The following GAD1 variants were observed in gnomAD, a reference collection of about 807,000 sequenced individuals.
GAD1 encodes the protein 67 kDa glutamic acid decarboxylase.
In GAD1, 35 loss-of-function variants were observed where a neutral mutation model predicts 75.2. The observed-to-expected ratio is 0.47, with a 90% CI of 0.36 to 0.62. GAD1 has a LOEUF of 0.62. GAD1 is among the 20% of genes least tolerant of loss of function. The probability of loss-of-function intolerance (pLI) is 0.00; values close to 1 mark genes in which losing one functional copy is unlikely to be tolerated. For missense variants in GAD1, 490 were observed against 758.5 expected, an observed-to-expected ratio of 0.65 and a Z score of 4.16; for synonymous variants, 257 against 271.9, an observed-to-expected ratio of 0.95 and a Z score of 0.54.
chr2:170,822,227 A>G (rs1384627933), intron 3 of GAD1, 78 bp downstream of exon 3: 1 of 1,189,554 alleles, frequency 8.4e-7, no homozygotes, highest in Non-Finnish European at 1.2e-6. Flanking sequence ...CTGGGACGCA[A>G]GCGGAGGGGG....
At chr2:170,816,506 A>G (rs1701701150), upstream of GAD1, 1 of 149,998 alleles carries the variant, frequency 6.7e-6, no homozygotes, top group African/African-American at 2.5e-5. Flanking sequence ...TGGGAGGGGG[A>G]GGGGAAATGG....
In GAD1 at chr2:170,853,780, C is replaced by A; in HGVS notation, c.1264-93C>A. 7.9e-7 allele frequency: 1 copy of A among 1,257,956 alleles called. No individual in the cohort carries two copies. Among genetic ancestry groups the A allele is most frequent in the Non-Finnish European group, 1.2e-6 (1 of 859,184 alleles). 77.9% of individuals were successfully genotyped at this position (1,257,956 alleles called of 1,614,324 possible). A position where few individuals can be genotyped will look rare whatever the true frequency, so the allele number is the denominator to read the frequency against. On this transcript the variant is annotated intron_variant, in intron 13 of 16. Transcript: ENST00000358196. This position sits in a 1 kb window ranked among gnomAD's most constrained non-coding sequence, Gnocchi z 4.1. The stretch of plus-strand genomic sequence containing the variant: ...ACATCAGAAGAAAGATTGCATATGA[C>A]CCCAAGCCCCTCCTTCCAAGCAGCC...
chr2:170,816,153 CCTT>C (rs1372578800), upstream of GAD1: 2 of 152,316 alleles, frequency 1.3e-5, no homozygotes, highest in Non-Finnish European at 2.9e-5. Flanking sequence ...AATCAGGAGG[CCTT>C]CTTTTCCCAT....
chr2:170,828,148 AC>A (rs1702076218), intron 3 of GAD1, among the ~76,000 whole-genome samples: 1 of 79,998 alleles, frequency 1.3e-5, no homozygotes, highest in African/African-American at 6.8e-5. Flanking sequence ...TGCTGTCCTC[AC>A]CCTCCTCCCT....
At chr2:170,846,823 T>C (rs557235519) in intron 10 of GAD1, among the ~76,000 whole-genome samples, 2 of 152,082 alleles carry the variant, frequency 1.3e-5, no homozygotes, top group African/African-American at 4.8e-5. Flanking sequence ...CTGGGCAACA[T>C]AGGGTAACCC....
intron 5 of GAD1, among the ~76,000 whole-genome samples, chr2:170,835,400 G>A (rs996804576): frequency 7.2e-5 from 11 of 151,946 alleles, no homozygotes; most frequent in South Asian, 2.1e-4. Context: ...GGCCATGAGC[G>A]GCCCAGCACC....
At chr2:170,819,283 A>G (rs1019896752) in intron 2 of GAD1, among the ~76,000 whole-genome samples, 1 of 119,426 alleles carries the variant, frequency 8.4e-6, no homozygotes, top group Non-Finnish European at 1.8e-5. Flanking sequence ...AATTAATTAC[A>G]TCTCAGAGAA....
In GAD1 at chr2:170,853,083, G is replaced by A; in HGVS notation, c.1263+291G>A. The stretch of plus-strand genomic sequence containing the variant: ...TCCTTCATGTTTGCACAAAAAAAGT[G>A]GGAGCAAGTAGGTGAGGCATCCAAT... On this transcript the variant is annotated intron_variant, in intron 13 of 16. Transcript: ENST00000358196. The surrounding 1 kb of genome is among the most constrained non-coding windows in gnomAD (Gnocchi z 4.1). 1 of 472,250 alleles carries A rather than the reference G, an allele frequency of 2.1e-6. No homozygotes were observed. Among genetic ancestry groups the A allele is most frequent in the Non-Finnish European group, 3.9e-6 (1 of 257,864 alleles). The allele number at this position is 472,250 out of a possible 1,614,324, so 29.3% of individuals were successfully genotyped here.
intron 14 of GAD1, among the ~76,000 whole-genome samples, chr2:170,855,762 A>G (rs531131968): frequency 4.3e-4 from 65 of 150,402 alleles, no homozygotes; most frequent in African/African-American, 1.5e-3. Flanking sequence ...GGTCCCAGCT[A>G]CTTAGGAGGC....
chr2:170,823,997 G>A (rs1701962701), intron 3 of GAD1, among the ~76,000 whole-genome samples: 1 of 152,200 alleles, frequency 6.6e-6, no homozygotes, highest in South Asian at 2.1e-4. Flanking sequence ...AGTTCAGAAA[G>A]GCTAAAGAGG....
intron 12 of GAD1, among the ~76,000 whole-genome samples, chr2:170,851,358 T>A (rs1043886786): frequency 6.6e-6 from 1 of 152,234 alleles, no homozygotes; most frequent in Non-Finnish European, 1.5e-5. Context: ...ACCATTTAAA[T>A]ATGACCTGAC....
In GAD1 at chr2:170,818,613, T is replaced by A. The variant is rs1575420969; in HGVS notation, c.22T>A (p.Ser8Thr). MASSTPS[S>T]SATSSNAGAD... ...GCTGATGGCGTCTTCGACCCCATCT[T>A]CGTCCGCAACCTCCTCGAACGCGGG... The change falls in exon 2 of 17, where the codon TCG (serine) becomes ACG (threonine). Residue 8 changes from serine (S) to threonine (T), a missense_variant. Physicochemically the swap from Ser to Thr is moderately conservative, Grantham distance 58. Around this residue, in one of 3 missense-constraint regions of GAD1, gnomAD observed 165 missense variants for 216.4 expected, o/e 0.76. Transcript: ENST00000358196. This position sits in a 1 kb window ranked among gnomAD's most constrained non-coding sequence, Gnocchi z 5.9. 6.2e-7 allele frequency: 1 copy of A among 1,614,182 alleles called. No individual in the cohort carries two copies. Among genetic ancestry groups the A allele is most frequent in the East Asian group, 2.2e-5 (1 of 44,866 alleles).
At chr2:170,857,689 G>T (rs1702879917) in intron 15 of GAD1, among the ~76,000 whole-genome samples, 1 of 152,180 alleles carries the variant, frequency 6.6e-6, no homozygotes, top group Non-Finnish European at 1.5e-5. Flanking sequence ...CCCAAGACTT[G>T]TTCTAAAATA....
intron 3 of GAD1, among the ~76,000 whole-genome samples, chr2:170,828,098 T>C (rs113661008): frequency 0.37 from 4,429 of 11,984 alleles, 1,158 homozygotes; most frequent in Non-Finnish European, 0.42. Flanking sequence ...CCCCTCCTCC[T>C]TCTGCTGTCC....
chr2:170,821,823 G>T, intron 2 of GAD1: 1 of 511,774 alleles, frequency 2.0e-6, no homozygotes, highest in Non-Finnish European at 3.5e-6. Flanking sequence ...GGTCGCTTAC[G>T]GGCCCGGAGG....
Position 170,818,728 on chromosome 2 carries a change from G to A in GAD1, c.82+55G>A. On this transcript the variant is annotated intron_variant, in intron 2 of 16. Coordinates refer to ENST00000358196, the MANE Select transcript of GAD1 (RefSeq NM_000817.3). The surrounding 1 kb of genome is among the most constrained non-coding windows in gnomAD (Gnocchi z 5.9). Reference sequence around the variant, plus strand: ...GAACTGCAGGGAAGATGGGGGCGCTGGGACGTCGGGAGGCTGAGCTGGCGG... The same window carrying A: ...GAACTGCAGGGAAGATGGGGGCGCTAGGACGTCGGGAGGCTGAGCTGGCGG... The A allele has an allele frequency of 3.2e-6, 5 of 1,541,932 alleles. No individual in the cohort carries two copies. In the East Asian group the frequency reaches 6.7e-5, roughly 21 times the overall value.
At chr2:170,858,762 G>A in intron 15 of GAD1, 42 bp from the exon 16 acceptor site, 1 of 1,586,010 alleles carries the variant, frequency 6.3e-7, no homozygotes, top group African/African-American at 1.3e-5. Flanking sequence ...TTTCTCTCAA[G>A]TTATCCTAAT....
At chr2:170,834,794 T>C (rs1354496931) in intron 5 of GAD1, among the ~76,000 whole-genome samples, 1 of 150,836 alleles carries the variant, frequency 6.6e-6, no homozygotes, top group Non-Finnish European at 1.5e-5. Context: ...AGATGGAGTT[T>C]CAATCTTGTT....
At chr2:170,856,857 A>T (rs1702864419) in intron 14 of GAD1, among the ~76,000 whole-genome samples, 161 bp from the exon 15 acceptor site, 1 of 152,240 alleles carries the variant, frequency 6.6e-6, no homozygotes, top group African/African-American at 2.4e-5. Flanking sequence ...TATTGCATGC[A>T]CATCTGTGAA....
Sources: gnomAD v4.1 joint callset for allele counts (sites outside exome capture counted in the v4.1 genomes callset) on GRCh38, gnomAD v4.1.1 for gene constraint, gnomAD v4.1.1 regional missense constraint, Gnocchi (gnomAD v3.1) non-coding constraint, MANE v1.5 for transcripts, NCBI Gene and HGNC (gene_info 2026-07-23, HGNC 2026-07-21) for gene names.